Variants in SLC1A4 observed in about 807,000 individuals in gnomAD.
The protein encoded by SLC1A4 is solute carrier family 1 member 4, also known as neutral amino acid transporter A.
Under a neutral mutation model 37.7 loss-of-function variants are expected in SLC1A4, and 19 were observed. The ratio of observed to expected loss-of-function variants is 0.50; its 90% CI spans 0.35 to 0.74. The LOEUF (loss-of-function observed/expected upper bound fraction) is 0.74. SLC1A4 is among the 30% of genes least tolerant of loss of function. SLC1A4 has a pLI of 0.01. For missense variants in SLC1A4, 570 were observed against 712.9 expected (o/e 0.80, Z 2.28); for synonymous variants, 299 against 309.8 (o/e 0.97, Z 0.37).
chr2:65,014,050 G>C (rs1484254112), intron 4 of SLC1A4, among the ~76,000 whole-genome samples: 1 of 152,134 alleles, frequency 6.6e-6, no homozygotes, highest in Admixed American at 6.5e-5. Flanking sequence ...AGAAAGAGAG[G>C]AGTCTTCTAA....
chr2:64,989,360 T>A, upstream of SLC1A4: 1 of 305,034 alleles, frequency 3.3e-6, no homozygotes, highest in Non-Finnish European at 6.0e-6. Context: ...CCCTCCTACT[T>A]CCCCGTCTGC....
rs113598792 is a variant in SLC1A4 at position 65,023,147 on chromosome 2, C to G, written c.*2001C>G. ...GCAAAGGAAACTGGAAACTTTTCCC[C>G]GCTGGGTAGAGCATGTTGCTGATAC... On this transcript the variant is annotated 3_prime_UTR_variant, in exon 8 of 8. Transcript: ENST00000234256. 7.2e-5 allele frequency: 11 copies of G among 152,312 alleles called. No individual in the cohort carries two copies. The highest frequency in any genetic ancestry group is 2.4e-4 in the African/African-American group (10 of 41,560). The allele number at this position is 152,312 out of a possible 1,614,324, so 9.4% of individuals were successfully genotyped here. A position where few individuals can be genotyped will look rare whatever the true frequency, so the allele number is the denominator to read the frequency against.
intron 1 of SLC1A4, among the ~76,000 whole-genome samples, chr2:64,991,619 T>TGTTTTTG (rs1673060677): frequency 6.6e-6 from 1 of 152,126 alleles, no homozygotes; most frequent in Non-Finnish European, 1.5e-5. Flanking sequence ...GTTTGTTTTT[T>TGTTTTTG]GAGACGGAGT....
At chr2:64,991,421 CTTTTTTTTT>C (rs3050297) in intron 1 of SLC1A4, among the ~76,000 whole-genome samples, 2 of 117,672 alleles carry the variant, frequency 1.7e-5, no homozygotes, top group Admixed American at 8.7e-5. Context: ...GGGATCACAG[CTTTTTTTTT>C]TTTTTTTTTT....
At chr2:65,008,133 T>C (rs1673760549) in intron 3 of SLC1A4, among the ~76,000 whole-genome samples, 1 of 152,208 alleles carries the variant, frequency 6.6e-6, no homozygotes, top group African/African-American at 2.4e-5. Context: ...TCTTGACCCT[T>C]AATTCCAGTT....
chr2:65,001,717 T>C (rs1049906018), intron 2 of SLC1A4, among the ~76,000 whole-genome samples: 1 of 152,210 alleles, frequency 6.6e-6, no homozygotes, highest in African/African-American at 2.4e-5. Context: ...TCCCACTGGT[T>C]CCAAAATTTG....
Position 65,004,008 on chromosome 2 carries a change from A to G in SLC1A4, c.626A>G (p.His209Arg). 1.2e-6 allele frequency: 2 copies of G among 1,611,676 alleles called. No homozygotes were observed. Among genetic ancestry groups the G allele is most frequent in the Non-Finnish European group, 1.7e-6 (2 of 1,177,720 alleles). ...AACAGCAGCTCTGGAAATGTAACCC[A>G]TGAAAAGGTAAAGCTTTTTATAAGG... ...TQNSSSGNVT[H>R]EKIPIGTEIE... The change falls in exon 3 of 8, where the codon CAT (histidine) becomes CGT (arginine). Residue 209 changes from histidine (H) to arginine (R), a missense_variant. Coordinates refer to ENST00000234256, the MANE Select transcript of SLC1A4 (RefSeq NM_003038.5).
chr2:65,006,666 T>C lies in SLC1A4; in HGVS notation c.633+2651T>C, dbSNP rs553843055. Among the ~76,000 whole-genome samples, 3 of 152,114 alleles carry C rather than the reference T, an allele frequency of 2.0e-5. 1 individual carries two copies. Among genetic ancestry groups the C allele is most frequent in the African/African-American group, 7.2e-5 (3 of 41,478 alleles). On this transcript the variant is annotated intron_variant, in intron 3 of 7. Coordinates refer to ENST00000234256, the MANE Select transcript of SLC1A4 (RefSeq NM_003038.5). Reference sequence around the variant, plus strand: ...GAAAAGTCAAGGACCTAGCCAGGCATGGTGACTCACGCTTGTAATCTCAAT... The same window carrying C: ...GAAAAGTCAAGGACCTAGCCAGGCACGGTGACTCACGCTTGTAATCTCAAT...
In SLC1A4 at chr2:65,018,078, A is replaced by C; in HGVS notation, c.1042A>C (p.Thr348Pro). 6.2e-7 allele frequency: 1 copy of C among 1,612,916 alleles called. No individual in the cohort carries two copies. The highest frequency in any genetic ancestry group is 8.5e-7 in the Non-Finnish European group (1 of 1,179,158). ...TAFATCSSSA[T>P]LPSMMKCIEE... ...TGTTTTTCCCATTTCTAGCTCAGCG[A>C]CCCTTCCCTCTATGATGAAGTGCAT... The change falls in exon 6 of 8, where the codon ACC becomes CCC. Residue 348 changes from threonine to proline, a missense_variant. By Grantham distance (38) the Thr-to-Pro change is conservative. Transcript: ENST00000234256. The surrounding 1 kb of genome is among the most constrained non-coding windows in gnomAD (Gnocchi z 4.3).
intron 3 of SLC1A4, among the ~76,000 whole-genome samples, chr2:65,007,595 T>C (rs1454679957): frequency 6.6e-6 from 1 of 152,132 alleles, no homozygotes; most frequent in Non-Finnish European, 1.5e-5. Context: ...AATCTGAGAG[T>C]TGGTTCGAAA....
chr2:65,000,391 G>A (rs1057346553), intron 1 of SLC1A4: 2 of 152,168 alleles, frequency 1.3e-5, no homozygotes, highest in African/African-American at 4.8e-5. Context: ...TCAATATGAT[G>A]TAACTGTAAT....
At position 64,994,203 on chromosome 2, in the gene SLC1A4, G is replaced by A. The variant is rs139958251; in HGVS notation, c.527+4033G>A. Among the ~76,000 whole-genome samples, 75 of 152,362 alleles carry A rather than the reference G, an allele frequency of 4.9e-4. 1 individual carries two copies. The East Asian group carries it at 0.014, about 29-fold the overall frequency. ...AGAAGAGCCTTCCATTCTGAAATGG[G>A]ACAGAAGTCCCCACAGATTCTCACT... On this transcript the variant is annotated intron_variant, in intron 1 of 7. Coordinates refer to ENST00000234256, the MANE Select transcript of SLC1A4 (RefSeq NM_003038.5).
At chr2:64,995,707 A>G (rs911195313) in intron 1 of SLC1A4, among the ~76,000 whole-genome samples, 7 of 152,152 alleles carry the variant, frequency 4.6e-5, no homozygotes, top group African/African-American at 1.7e-4. Context: ...ACCATGCCAT[A>G]TCCTGTTCTG....
chr2:65,018,389 T>A lies in SLC1A4; in HGVS notation c.1229+124T>A. On this transcript the variant is annotated intron_variant, in intron 6 of 7. Coordinates refer to ENST00000234256, the MANE Select transcript of SLC1A4 (RefSeq NM_003038.5). The surrounding 1 kb of genome is among the most constrained non-coding windows in gnomAD (Gnocchi z 4.3). ...AATGAGGACAGTGGGGATTCATTAC[T>A]TGAAGAGCGTGTGTTGACTCTCAAG... 1 of 1,374,290 alleles carries A rather than the reference T, an allele frequency of 7.3e-7. No individual in the cohort carries two copies. The highest frequency in any genetic ancestry group is 9.9e-7 in the Non-Finnish European group (1 of 1,005,462). 85.1% of individuals were successfully genotyped at this position (1,374,290 alleles called of 1,614,324 possible). A position where few individuals can be genotyped will look rare whatever the true frequency, so the allele number is the denominator to read the frequency against.
rs1378879730 is a variant in SLC1A4, at chr2:65,022,108, ACT to A, written c.*965_*966del. The A allele has an allele frequency of 3.9e-5, 6 of 152,260 alleles. No homozygotes were observed. Among genetic ancestry groups the A allele is most frequent in the African/African-American group, 1.2e-4 (5 of 41,468 alleles). The allele number at this position is 152,260 out of a possible 1,614,324, so 9.4% of individuals were successfully genotyped here. A position where few individuals can be genotyped will look rare whatever the true frequency, so the allele number is the denominator to read the frequency against. On this transcript the variant is annotated 3_prime_UTR_variant, in exon 8 of 8. Coordinates refer to ENST00000234256, the MANE Select transcript of SLC1A4 (RefSeq NM_003038.5). ...ATCTATTATTTGAATTCAACTGGAC[ACT>A]CTGTAAAATGCTGCACTGCAGCAAA...
At chr2:65,006,898 C>T (rs1014355721) in intron 3 of SLC1A4, among the ~76,000 whole-genome samples, 12 of 152,286 alleles carry the variant, frequency 7.9e-5, no homozygotes, top group African/African-American at 2.9e-4. Flanking sequence ...TAGACAGCAA[C>T]AGAGGGAGAC....
chr2:65,006,321 G>A (rs1673669136), intron 3 of SLC1A4, among the ~76,000 whole-genome samples: 2 of 151,498 alleles, frequency 1.3e-5, no homozygotes, highest in African/African-American at 4.9e-5. Context: ...GTGAAACTCC[G>A]TCTCTACTAA....
intron 1 of SLC1A4, among the ~76,000 whole-genome samples, chr2:64,990,759 G>A (rs1345416120): frequency 6.6e-6 from 1 of 152,166 alleles, no homozygotes; most frequent in East Asian, 1.9e-4. Flanking sequence ...GAGGGCTTGG[G>A]GCTTGGGACA....
chr2:65,000,557 G>C (rs1460489837), intron 1 of SLC1A4: 3 of 152,174 alleles, frequency 2.0e-5, no homozygotes, highest in Non-Finnish European at 4.4e-5. Flanking sequence ...TGGAATTAGG[G>C]ACTCAGATTC....
Sources: gnomAD v4.1 joint callset for allele counts (sites outside exome capture counted in the v4.1 genomes callset) on GRCh38, gnomAD v4.1.1 for gene constraint, Gnocchi (gnomAD v3.1) non-coding constraint, MANE v1.5 for transcripts, NCBI Gene and HGNC (gene_info 2026-07-23, HGNC 2026-07-21) for gene names.